The following ZNF490 variants were observed in gnomAD, a reference collection of about 807,000 sequenced individuals.
The protein encoded by ZNF490 is zinc finger protein 490.
ZNF490 carries 11 observed loss-of-function variants against 17.7 expected under a neutral mutation model. That is an observed-to-expected ratio of 0.62 (90% CI 0.39 to 1.03). ZNF490 has a LOEUF of 1.03. Ranked by LOEUF, ZNF490 falls within the 50% of genes least tolerant of loss-of-function variation. The pLI is 0.00. For missense variants in ZNF490, 542 were observed against 643.4 expected, an observed-to-expected ratio of 0.84 and a Z score of 1.71; for synonymous variants, 222 against 216.1, an observed-to-expected ratio of 1.03 and a Z score of -0.24.
chr19:12,598,983 T>C (rs1599311321), intron 2 of ZNF490, among the ~76,000 whole-genome samples: 1 of 142,514 alleles, frequency 7.0e-6, no homozygotes, highest in Non-Finnish European at 1.5e-5. Context: ...CGAGACTCCA[T>C]CTCAAAAAAA....
rs2145133701 is a variant in ZNF490, at chr19:12,576,652, A to G, written c.*3833T>C. ...AACATGGTGAAACCCCATCTCTACT[A>G]AAAATACAAAAAAATTTAGCTGGTT... On this transcript the variant is annotated 3_prime_UTR_variant, in exon 5 of 5. Transcript: ENST00000311437. Among the ~76,000 whole-genome samples the G allele has an allele frequency of 6.6e-6, 1 of 151,406 alleles. No homozygotes were observed. Among genetic ancestry groups the G allele is most frequent in the South Asian group, 2.1e-4 (1 of 4,798 alleles).
intron 2 of ZNF490, among the ~76,000 whole-genome samples, chr19:12,605,045 C>T (rs1360995683): frequency 1.3e-5 from 2 of 151,396 alleles, no homozygotes; most frequent in Non-Finnish European, 2.9e-5. Context: ...TCCAGCTACT[C>T]GGGAGGCTGA....
chr19:12,582,147 C>T (rs867563325), intron 4 of ZNF490, among the ~76,000 whole-genome samples: 3 of 152,124 alleles, frequency 2.0e-5, no homozygotes, highest in African/African-American at 2.4e-5. Context: ...GTGATCCGCT[C>T]GCCTCAGCCT....
At chr19:12,600,341 G>C (rs546546805) in intron 2 of ZNF490, among the ~76,000 whole-genome samples, 5 of 151,902 alleles carry the variant, frequency 3.3e-5, no homozygotes, top group Admixed American at 3.3e-4. Context: ...ACTCCAGCCT[G>C]AGCGAAAGAG....
In ZNF490 at chr19:12,579,402, T is replaced by A. The variant is rs2022692306; in HGVS notation, c.*1083A>T. 1 of 151,120 alleles carries A rather than the reference T, an allele frequency of 6.6e-6. No homozygotes were observed. The highest frequency in any genetic ancestry group is 2.4e-5 in the African/African-American group (1 of 41,012). 9.4% of individuals were successfully genotyped at this position (151,120 alleles called of 1,614,324 possible). ...CCCGTCTCTACTAAAAATATAAAAA[T>A]TAGTTGGGCGTGGTGGCATGTGCCT... On this transcript the variant is annotated 3_prime_UTR_variant, in exon 5 of 5. Coordinates refer to ENST00000311437, the MANE Select transcript of ZNF490 (RefSeq NM_020714.3).
Position 12,581,539 on chromosome 19 carries a change from G to C in ZNF490, c.536C>G (p.Thr179Ser), listed in dbSNP as rs1304636502. The C allele has an allele frequency of 5.6e-6, 9 of 1,614,114 alleles. No individual in the cohort carries two copies. The highest frequency in any genetic ancestry group is 6.8e-6 in the Non-Finnish European group (8 of 1,180,024). Residue 179 changes from threonine (T) to serine (S), a missense_variant, in exon 5 of 5, where the codon ACT becomes AGT. Coordinates refer to ENST00000311437, the MANE Select transcript of ZNF490 (RefSeq NM_020714.3). ...GTGACACTCATTTGGTTTCTGTTCA[G>C]TGTGAGATCTCATGTGCCTATTAAG... ...VSLNRHMRSH[T>S]EQKPNECHEY...
At chr19:12,598,022 G>C (rs2022956105) in intron 2 of ZNF490, among the ~76,000 whole-genome samples, 2 of 152,096 alleles carry the variant, frequency 1.3e-5, no homozygotes, top group South Asian at 4.1e-4. Context: ...TCAAGTGATC[G>C]AGACCATCCT....
At chr19:12,598,716 C>T (rs13346146) in intron 2 of ZNF490, among the ~76,000 whole-genome samples, 11,708 of 150,186 alleles carry the variant, frequency 0.078, 1,133 homozygotes, top group African/African-American at 0.23. Flanking sequence ...CTGCCGGGCG[C>T]GGTGGCTCAT....
intron 1 of ZNF490, chr19:12,610,002 G>A: frequency 2.3e-6 from 1 of 442,220 alleles, no homozygotes; most frequent in Non-Finnish European, 4.5e-6. Flanking sequence ...AAAATGAAAA[G>A]CAATAAAAAC....
chr19:12,600,815 G>GA (rs779209836), intron 2 of ZNF490, among the ~76,000 whole-genome samples: 1 of 152,122 alleles, frequency 6.6e-6, no homozygotes, highest in East Asian at 1.9e-4. Context: ...TCAGAATAGA[G>GA]AAAAAATGTT....
chr19:12,581,105 G>A lies in ZNF490; in HGVS notation c.970C>T (p.His324Tyr). Reference protein sequence around the residue: ...AFSCPTYLRSHEKTHTGEKPF... With the variant: ...AFSCPTYLRSYEKTHTGEKPF... ...TTCTCTCCAGTATGAGTTTTCTCAT[G>A]ACTCCGTAAGTACGTGGGACAACTG... Residue 324 changes from histidine (H) to tyrosine (Y), a missense_variant, in exon 5 of 5, where the codon CAT (histidine) becomes TAT (tyrosine). Transcript: ENST00000311437. The A allele has an allele frequency of 6.2e-7, 1 of 1,614,132 alleles. No individual in the cohort carries two copies. Among genetic ancestry groups the A allele is most frequent in the Non-Finnish European group, 8.5e-7 (1 of 1,180,020 alleles).
intron 2 of ZNF490, among the ~76,000 whole-genome samples, chr19:12,602,140 A>G (rs1189250155): frequency 6.8e-6 from 1 of 148,122 alleles, no homozygotes; most frequent in African/African-American, 2.5e-5. Flanking sequence ...ATATGGGCCT[A>G]TTTCTGGAAT....
At chr19:12,590,109 G>A (rs2022851689) in intron 2 of ZNF490, among the ~76,000 whole-genome samples, 1 of 151,850 alleles carries the variant, frequency 6.6e-6, no homozygotes. Flanking sequence ...TAGAGACGGG[G>A]TTTCACCATA....
At position 12,581,410 on chromosome 19, in the gene ZNF490, T is replaced by C; in HGVS notation, c.665A>G (p.Tyr222Cys). Residue 222 changes from tyrosine (Y) to cysteine (C), a missense_variant, in exon 5 of 5, where the codon TAT (tyrosine) becomes TGT (cysteine). Coordinates refer to ENST00000311437, the MANE Select transcript of ZNF490 (RefSeq NM_020714.3). ...HERIHTGEKP[Y>C]ECKECGKAFA... ...GGCTTTGCCACATTCCTTACATTCATAGGGTTTCTCTCCAGTGTGAATTCT... is the reference window on the plus strand; with the variant it reads ...GGCTTTGCCACATTCCTTACATTCACAGGGTTTCTCTCCAGTGTGAATTCT... 6.2e-7 allele frequency: 1 copy of C among 1,614,206 alleles called. No homozygotes were observed. Among genetic ancestry groups the C allele is most frequent in the Non-Finnish European group, 8.5e-7 (1 of 1,180,018 alleles).
In ZNF490 at chr19:12,580,663, A is replaced by G. The variant is rs373290922; in HGVS notation, c.1412T>C (p.Val471Ala). Residue 471 changes from valine (V) to alanine (A), a missense_variant, in exon 5 of 5, where the codon GTG becomes GCG. Val to Ala is a moderately conservative substitution (Grantham distance 64). Transcript: ENST00000311437. ...LRRHERSHTG[V>A]KPCECKQCGK... ...ACACTGCTTACACTCACATGGTTTC[A>G]CTCCAGTGTGACTTCTTTCGTGCCT... 40 of 1,613,962 alleles carry G rather than the reference A, an allele frequency of 2.5e-5. No homozygotes were observed. Among genetic ancestry groups the G allele is most frequent in the Non-Finnish European group, 3.3e-5 (39 of 1,180,020 alleles).
chr19:12,583,018 C>A, intron 3 of ZNF490, 108 bp from the exon 4 acceptor site: 9 of 860,524 alleles, frequency 1.0e-5, no homozygotes, highest in Non-Finnish European at 1.6e-5. Flanking sequence ...ACTGTCTGAT[C>A]TACTTACTAA....
intron 2 of ZNF490, among the ~76,000 whole-genome samples, chr19:12,593,972 T>G (rs1020811241): frequency 6.6e-6 from 1 of 152,148 alleles, no homozygotes; most frequent in Non-Finnish European, 1.5e-5. Context: ...CTAGGACCCA[T>G]GGCAAAATGA....
At chr19:12,596,364 T>C (rs1366499699) in intron 2 of ZNF490, among the ~76,000 whole-genome samples, 1 of 151,396 alleles carries the variant, frequency 6.6e-6, no homozygotes, top group African/African-American at 2.4e-5. Flanking sequence ...ACCGTTAAAA[T>C]GGAAAACTCA....
chr19:12,609,599 G>T (rs2023118223), intron 1 of ZNF490, among the ~76,000 whole-genome samples: 1 of 152,116 alleles, frequency 6.6e-6, no homozygotes, highest in Non-Finnish European at 1.5e-5. Context: ...TGCCCAGGCT[G>T]GTTTTGGGCT....
Sources: gnomAD v4.1 joint callset for allele counts (sites outside exome capture counted in the v4.1 genomes callset) on GRCh38, gnomAD v4.1.1 for gene constraint, MANE v1.5 for transcripts, NCBI Gene and HGNC (gene_info 2026-07-23, HGNC 2026-07-21) for gene names.